FRRS1: variants seen among roughly 807,000 people sequenced by gnomAD.
FRRS1 encodes the protein ferric reductase 1.
A neutral mutation model predicts 70.7 loss-of-function variants in FRRS1; 51 were observed. The observed-to-expected ratio is 0.72, with a 90% CI of 0.58 to 0.91. The LOEUF (loss-of-function observed/expected upper bound fraction) is 0.91. Among genes scored for constraint, FRRS1 ranks in the 40% least tolerant of loss-of-function variants. The pLI is 0.00. For missense variants in FRRS1, 672 were observed against 726.0 expected, an observed-to-expected ratio of 0.93 and a Z score of 0.86; for synonymous variants, 225 against 238.7, an observed-to-expected ratio of 0.94 and a Z score of 0.53.
intron 4 of FRRS1, among the ~76,000 whole-genome samples, chr1:99,744,039 A>T (rs1222079894): frequency 6.6e-6 from 1 of 151,098 alleles, no homozygotes; most frequent in Non-Finnish European, 1.5e-5. Context: ...TATCAAGATA[A>T]ATGAATCCAG....
Position 99,729,650 on chromosome 1 carries a change from C to A in FRRS1, c.858G>T (p.Arg286Ser). The A allele has an allele frequency of 7.5e-6, 12 of 1,601,250 alleles. No homozygotes were observed. The highest frequency in any genetic ancestry group is 1.0e-5 in the Non-Finnish European group (12 of 1,168,932). Reference protein sequence around the residue: ...TGRSHPVMDSRDTLEDMAWRL... With the variant: ...TGRSHPVMDSSDTLEDMAWRL... ...AGGTTCTCAGAATTTTCACACCTAC[C>A]CTGGAGTCCATTACAGGGTGACTTC... Residue 286 changes from arginine to serine, a missense_variant and splice_region_variant, in exon 8 of 17, where the codon AGG (arginine) becomes AGT (serine). Coordinates refer to ENST00000646001, the MANE Select transcript of FRRS1 (RefSeq NM_001361041.2).
chr1:99,724,518 T>C (rs555928523), intron 9 of FRRS1, among the ~76,000 whole-genome samples: 1 of 152,334 alleles, frequency 6.6e-6, no homozygotes, highest in Admixed American at 6.5e-5. Flanking sequence ...TTTATTGAAA[T>C]TGGATACATT....
At chr1:99,754,263 C>T (rs760352930) in intron 1 of FRRS1, among the ~76,000 whole-genome samples, 2 of 152,026 alleles carry the variant, frequency 1.3e-5, no homozygotes, top group African/African-American at 4.8e-5. Flanking sequence ...GCCAGGAATT[C>T]GAGACCAGCC....
At chr1:99,747,656 G>A in intron 3 of FRRS1, 2 of 457,190 alleles carry the variant, frequency 4.4e-6, no homozygotes, top group Non-Finnish European at 7.8e-6. Flanking sequence ...TCCGCAAAGA[G>A]AAAAGAAAAA....
At position 99,704,192 on chromosome 1, in the gene FRRS1, A is replaced by G. The variant is rs1653967741; in HGVS notation, c.*4836T>C. ...TGAGATGGGCTTTACAGATGAAAGA[A>G]TAGAGCCCAGGGAAGATAAGTGACT... On this transcript the variant is annotated 3_prime_UTR_variant, in exon 17 of 17. Transcript: ENST00000646001. Among the ~76,000 whole-genome samples the G allele has an allele frequency of 6.6e-6, 1 of 152,336 alleles. No homozygotes were observed. Among genetic ancestry groups the G allele is most frequent in the Non-Finnish European group, 1.5e-5 (1 of 68,036 alleles).
intron 9 of FRRS1, among the ~76,000 whole-genome samples, chr1:99,724,195 C>A (rs1300952356): frequency 6.6e-6 from 1 of 152,160 alleles, no homozygotes; most frequent in Non-Finnish European, 1.5e-5. Flanking sequence ...CATTGTGTGG[C>A]TCCATTATAA....
chr1:99,735,755 G>A (rs1031838072), intron 7 of FRRS1, among the ~76,000 whole-genome samples: 2 of 152,142 alleles, frequency 1.3e-5, no homozygotes, highest in African/African-American at 4.8e-5. Flanking sequence ...AGAGAGAAAT[G>A]CTTTTGTGCC....
chr1:99,758,527 C>T (rs190526777), intron 1 of FRRS1, among the ~76,000 whole-genome samples: 1 of 152,254 alleles, frequency 6.6e-6, no homozygotes, highest in East Asian at 1.9e-4. Flanking sequence ...TCTCTTAATC[C>T]TGTTAGCTTC....
At chr1:99,716,709 CA>C (rs1213310205) in intron 11 of FRRS1, among the ~76,000 whole-genome samples, 1 of 152,162 alleles carries the variant, frequency 6.6e-6, no homozygotes, top group African/African-American at 2.4e-5. Flanking sequence ...TTTTTTTCTA[CA>C]GGCATGTACA....
chr1:99,730,062 C>A (rs1655271089), intron 7 of FRRS1, among the ~76,000 whole-genome samples: 1 of 152,138 alleles, frequency 6.6e-6, no homozygotes, highest in Non-Finnish European at 1.5e-5. Flanking sequence ...GTATATTCAT[C>A]CAAACCTATT....
chr1:99,748,392 T>A, intron 3 of FRRS1, 181 bp downstream of exon 3: 1 of 518,766 alleles, frequency 1.9e-6, no homozygotes, highest in Non-Finnish European at 3.4e-6. Context: ...CTGTTCTGGA[T>A]GGGGAATACA....
intron 2 of FRRS1, 61 bp downstream of exon 2, chr1:99,748,836 G>A (rs1260136318): frequency 1.8e-6 from 2 of 1,119,102 alleles, no homozygotes; most frequent in Non-Finnish European, 2.6e-6. Context: ...TTACACAACT[G>A]GACCATAATT....
chr1:99,756,047 A>C (rs2788510), intron 1 of FRRS1, among the ~76,000 whole-genome samples: 75,169 of 152,050 alleles, frequency 0.49, 22,602 homozygotes, highest in African/African-American at 0.85. Flanking sequence ...ATATTAACAG[A>C]TCACATAATT....
At chr1:99,724,913 T>G (rs1435555247) in intron 9 of FRRS1, among the ~76,000 whole-genome samples, 3 of 151,920 alleles carry the variant, frequency 2.0e-5, no homozygotes, top group Admixed American at 6.6e-5. Flanking sequence ...TGTATTAATA[T>G]CTATTATATC....
chr1:99,722,051 C>G (rs1157260137), intron 9 of FRRS1, among the ~76,000 whole-genome samples: 1 of 151,580 alleles, frequency 6.6e-6, no homozygotes, highest in African/African-American at 2.4e-5. Flanking sequence ...ACTCTGTTGT[C>G]CAGGCTGGAG....
chr1:99,721,047 A>C (rs1654794015), intron 9 of FRRS1, among the ~76,000 whole-genome samples: 2 of 152,146 alleles, frequency 1.3e-5, no homozygotes, highest in South Asian at 4.1e-4. Flanking sequence ...GTTTTTGGCA[A>C]CTCTGATCAC....
intron 9 of FRRS1, among the ~76,000 whole-genome samples, chr1:99,726,612 T>C (rs1277981224): frequency 6.6e-6 from 1 of 152,230 alleles, no homozygotes; most frequent in Non-Finnish European, 1.5e-5. Context: ...GCTGCAATCA[T>C]AACAACAACA....
At chr1:99,730,204 T>G (rs1480944491) in intron 7 of FRRS1, among the ~76,000 whole-genome samples, 1 of 152,216 alleles carries the variant, frequency 6.6e-6, no homozygotes, top group Non-Finnish European at 1.5e-5. Flanking sequence ...CATATTTTAA[T>G]GACCAAATAC....
intron 1 of FRRS1, among the ~76,000 whole-genome samples, chr1:99,750,666 C>A (rs1656526071): frequency 1.7e-5 from 2 of 116,156 alleles, no homozygotes; most frequent in South Asian, 2.9e-4. Context: ...AGAAAAATAT[C>A]AAACTGAAAA....
Sources: gnomAD v4.1 joint callset for allele counts (sites outside exome capture counted in the v4.1 genomes callset) on GRCh38, gnomAD v4.1.1 for gene constraint, MANE v1.5 for transcripts, NCBI Gene and HGNC (gene_info 2026-07-23, HGNC 2026-07-21) for gene names.